The following ATXN7L3 variants were observed in gnomAD, a reference collection of about 807,000 sequenced individuals.
ATXN7L3 encodes the protein ataxin 7 like 3.
Under a neutral mutation model 50.0 loss-of-function variants are expected in ATXN7L3, and 6 were observed. The ratio of observed to expected loss-of-function variants is 0.12; its 90% CI spans 0.07 to 0.24. The LOEUF (loss-of-function observed/expected upper bound fraction) is 0.24, where lower values mean the gene tolerates loss of function less well. Ranked by LOEUF, ATXN7L3 falls within the 10% of genes least tolerant of loss-of-function variation. The pLI is 1.00. For synonymous variants in ATXN7L3, 198 were observed against 165.8 expected (o/e 1.19, Z -1.49); for missense variants, 322 against 451.3 (o/e 0.71, Z 2.60).
chr17:44,195,049 G>T, intron 10 of ATXN7L3, 48 bp downstream of exon 10: 1 of 1,601,610 alleles, frequency 6.2e-7, no homozygotes, highest in Non-Finnish European at 8.6e-7. Flanking sequence ...CATGCCCATG[G>T]TGAGTGTGCA....
At chr17:44,198,723 C>T (rs2056019336) in intron 1 of ATXN7L3, among the ~76,000 whole-genome samples, 2 of 152,010 alleles carry the variant, frequency 1.3e-5, no homozygotes, top group African/African-American at 2.4e-5. Context: ...TTTCTAGCCA[C>T]CATGAGCAGG....
At chr17:44,199,404 G>T (rs1218548969) in intron 1 of ATXN7L3, 92 bp downstream of exon 1, 2 of 149,234 alleles carry the variant, frequency 1.3e-5, no homozygotes, top group African/African-American at 2.5e-5. Flanking sequence ...CCAGACCTGG[G>T]GGGAGGGGGC....
In ATXN7L3 at chr17:44,192,626, A is replaced by C. The variant is rs1322511948; in HGVS notation, c.*1637T>G. ...AAGCCCAGGCCCCGGGATTTATTCTAACTCCTGCCAAAATCTGTTTGGCTT... is the reference window on the plus strand; with the variant it reads ...AAGCCCAGGCCCCGGGATTTATTCTCACTCCTGCCAAAATCTGTTTGGCTT... On this transcript the variant is annotated 3_prime_UTR_variant, in exon 13 of 13. Transcript: ENST00000587097. 6.6e-6 allele frequency: 1 copy of C among 152,206 alleles called. No homozygotes were observed. The highest frequency in any genetic ancestry group is 6.5e-5 in the Admixed American group (1 of 15,284). The allele number at this position is 152,206 out of a possible 1,614,324, so 9.4% of individuals were successfully genotyped here. A position where few individuals can be genotyped will look rare whatever the true frequency, so the allele number is the denominator to read the frequency against.
At chr17:44,198,157 T>A in intron 1 of ATXN7L3, 27 bp from the exon 2 acceptor site, 1 of 1,368,198 alleles carries the variant, frequency 7.3e-7, no homozygotes, top group Non-Finnish European at 1.0e-6. Context: ...GGGGGTGTTG[T>A]TGTGAGTCCA....
chr17:44,196,498 G>A (rs2055897309), intron 5 of ATXN7L3, 80 bp from the exon 6 acceptor site: 7 of 1,582,902 alleles, frequency 4.4e-6, no homozygotes, highest in Non-Finnish European at 6.1e-6. Context: ...CCATACAACA[G>A]GCTGGGCACG....
chr17:44,197,644 G>A lies in ATXN7L3; in HGVS notation c.138C>T (p.Gly46=), dbSNP rs1266542542. The A allele has an allele frequency of 1.9e-6, 3 of 1,614,224 alleles. 1 individual carries two copies. Among genetic ancestry groups the A allele is most frequent in the Non-Finnish European group, 8.5e-7 (1 of 1,180,040 alleles). ...CFEVHRAVKC[G]YFFLDDTDPD... ...GGTCCGTGTCGTCCAAGAAGAAGTA[G>A]CCACACTTGACAGCCCGGTGTACCT... The change falls in exon 3 of 13, where the codon GGC becomes GGT. Residue 46 remains glycine, a synonymous_variant. Transcript: ENST00000587097.
chr17:44,196,474 G>T (rs376287994), intron 5 of ATXN7L3, 56 bp from the exon 6 acceptor site: 32 of 1,610,160 alleles, frequency 2.0e-5, no homozygotes, highest in Non-Finnish European at 2.5e-5. Context: ...CAATCTAAAA[G>T]CATCTCAAGA....
chr17:44,196,276 G>A, intron 6 of ATXN7L3, 120 bp downstream of exon 6: 1 of 686,062 alleles, frequency 1.5e-6, no homozygotes, highest in Non-Finnish European at 2.1e-6. Flanking sequence ...ACCCACCAAA[G>A]ACACCCTCAA....
intron 9 of ATXN7L3, 133 bp downstream of exon 9, chr17:44,195,286 G>A (rs1023511372): frequency 4.0e-5 from 55 of 1,358,056 alleles, no homozygotes; most frequent in Admixed American, 1.2e-4. Context: ...CTATGGGCCG[G>A]GAAACCTAAT....
intron 10 of ATXN7L3, 74 bp downstream of exon 10, chr17:44,195,023 A>AG: frequency 1.3e-6 from 2 of 1,568,734 alleles, no homozygotes; most frequent in Non-Finnish European, 1.8e-6. Context: ...GCTCAAGTCC[A>AG]GGGGTACTCC....
At position 44,192,275 on chromosome 17, in the gene ATXN7L3, C is replaced by T. The variant is rs2055712388; in HGVS notation, c.*1988G>A. The stretch of plus-strand genomic sequence containing the variant: ...GGTCCCTGCTGGACCAAGCCCATCT[C>T]TTACCCAGCCTGGGCAGGGGGCTCT... On this transcript the variant is annotated 3_prime_UTR_variant, in exon 13 of 13. Coordinates refer to ENST00000587097, the MANE Select transcript of ATXN7L3 (RefSeq NM_001382309.1). 1 of 152,288 alleles carries T rather than the reference C, an allele frequency of 6.6e-6. No homozygotes were observed. The highest frequency in any genetic ancestry group is 1.5e-5 in the Non-Finnish European group (1 of 68,074). 9.4% of individuals were successfully genotyped at this position (152,288 alleles called of 1,614,324 possible). A position where few individuals can be genotyped will look rare whatever the true frequency, so the allele number is the denominator to read the frequency against.
chr17:44,194,157 C>T lies in ATXN7L3; in HGVS notation c.*106G>A, dbSNP rs550414866. 162 of 1,461,616 alleles carry T rather than the reference C, an allele frequency of 1.1e-4. No individual in the cohort carries two copies. The South Asian group carries it at 2.1e-3, about 19-fold the overall frequency. The allele number at this position is 1,461,616 out of a possible 1,614,324, so 90.5% of individuals were successfully genotyped here. A position where few individuals can be genotyped will look rare whatever the true frequency, so the allele number is the denominator to read the frequency against. On this transcript the variant is annotated 3_prime_UTR_variant, in exon 13 of 13. Transcript: ENST00000587097. ...TCTGCCTGCCTGGCCCACCAAGCTTCCCAAGCCCCAACCCCCAGCAGCCGT... is the reference window on the plus strand; with the variant it reads ...TCTGCCTGCCTGGCCCACCAAGCTTTCCAAGCCCCAACCCCCAGCAGCCGT...
Position 44,194,421 on chromosome 17 carries a change from AAG to A in ATXN7L3, c.896-12_896-11del, listed in dbSNP as rs1283845503. ...TCAGAGCTGTTGGTACCTGTAGAGA[AAG>A]AGACACAAGGGATGAGAGTATGGTT... On this transcript the variant is annotated splice_polypyrimidine_tract_variant and intron_variant, in intron 12 of 12. Coordinates refer to ENST00000587097, the MANE Select transcript of ATXN7L3 (RefSeq NM_001382309.1). 1 of 1,613,774 alleles carries A rather than the reference AAG, an allele frequency of 6.2e-7. No homozygotes were observed. The highest frequency in any genetic ancestry group is 1.3e-5 in the African/African-American group (1 of 74,852).
intron 5 of ATXN7L3, among the ~76,000 whole-genome samples, chr17:44,196,704 G>A (rs1224639830): frequency 1.4e-5 from 2 of 143,180 alleles, no homozygotes; most frequent in African/African-American, 5.3e-5. Flanking sequence ...CTTGAACCCG[G>A]GAGACGGAGG....
At chr17:44,196,821 A>ACACTCTCTCT in intron 5 of ATXN7L3, 108 bp downstream of exon 5, 1 of 712,908 alleles carries the variant, frequency 1.4e-6, no homozygotes, top group Non-Finnish European at 2.4e-6. Context: ...TCGCGTAACT[A>ACACTCTCTCT]CACTCTCTCT....
At chr17:44,194,953 C>G in intron 10 of ATXN7L3, 114 bp from the exon 11 acceptor site, 1 of 1,481,876 alleles carries the variant, frequency 6.7e-7, no homozygotes, top group South Asian at 1.2e-5. Context: ...GATTCATCCC[C>G]AGATTGTGGC....
intron 2 of ATXN7L3, 89 bp downstream of exon 2, chr17:44,197,930 AC>A: frequency 1.3e-6 from 2 of 1,540,592 alleles, no homozygotes; most frequent in South Asian, 2.2e-5. Flanking sequence ...AAGGCTGACT[AC>A]CCAAATTCCT....
chr17:44,199,358 C>T (rs2056056945), intron 1 of ATXN7L3, 138 bp downstream of exon 1: 1 of 150,798 alleles, frequency 6.6e-6, no homozygotes, highest in Admixed American at 6.6e-5. Flanking sequence ...CCGGGCGTTT[C>T]CGCGTCGGCC....
rs1184408791 is a variant in ATXN7L3, at chr17:44,197,041, G to T, written c.357-15C>A. ...TATTGGCAATCCTGCCAAGGGGAGG[G>T]AAGAGAAAGGGGCCAAGGGGAAGGA... On this transcript the variant is annotated splice_polypyrimidine_tract_variant and intron_variant, in intron 4 of 12. Transcript: ENST00000587097. The T allele has an allele frequency of 3.8e-6, 6 of 1,597,498 alleles. No individual in the cohort carries two copies. Among genetic ancestry groups the T allele is most frequent in the Non-Finnish European group, 5.1e-6 (6 of 1,165,348 alleles).
Sources: allele counts gnomAD v4.1 joint callset (sites outside exome capture counted in the v4.1 genomes callset), GRCh38; gene constraint gnomAD v4.1.1; transcripts MANE v1.5; gene names NCBI Gene and HGNC (gene_info 2026-07-23, HGNC 2026-07-21).